Variants in TARS2 observed in about 807,000 individuals in gnomAD.
TARS2 encodes threonine--tRNA ligase, mitochondrial.
Under a neutral mutation model 94.4 loss-of-function variants are expected in TARS2, and 61 were observed. The observed-to-expected ratio is 0.65, with a 90% CI of 0.53 to 0.80. The LOEUF (loss-of-function observed/expected upper bound fraction) is 0.80, where lower values mean the gene tolerates loss of function less well. Ranked by LOEUF, TARS2 falls within the 30% of genes least tolerant of loss-of-function variation. The probability of loss-of-function intolerance (pLI) is 0.00; values close to 1 mark genes in which losing one functional copy is unlikely to be tolerated. For synonymous variants in TARS2, 359 were observed against 353.4 expected, an observed-to-expected ratio of 1.02 and a Z score of -0.18; for missense variants, 704 against 902.5, an observed-to-expected ratio of 0.78 and a Z score of 2.82.
At position 150,497,575 on chromosome 1, in the gene TARS2, C is replaced by T; in HGVS notation, c.1066C>T (p.Leu356=). 6 of 1,614,208 alleles carry T rather than the reference C, an allele frequency of 3.7e-6. No homozygotes were observed. Among genetic ancestry groups the T allele is most frequent in the Non-Finnish European group, 5.1e-6 (6 of 1,180,036 alleles). ...RGFSEVKTPT[L]FSTKLWEQSG... ...TTTCTCCGAGGTGAAAACTCCCACA[C>T]TGTTTTCTACGAAGCTCTGGGAACA... is the stretch of plus-strand genomic sequence containing the variant. The change falls in exon 10 of 18, where the codon CTG becomes TTG. Residue 356 remains leucine (L), a synonymous_variant. Transcript: ENST00000369064.
At chr1:150,501,352 C>A (rs1473513080) in intron 13 of TARS2, among the ~76,000 whole-genome samples, 1 of 113,114 alleles carries the variant, frequency 8.8e-6, no homozygotes, top group Non-Finnish European at 1.7e-5. Context: ...ATGTCTCGCT[C>A]TGCTGCCCAG....
In TARS2 at chr1:150,496,825, T is replaced by A. The variant is rs999879673; in HGVS notation, c.937T>A (p.Phe313Ile). 1.2e-6 allele frequency: 2 copies of A among 1,613,912 alleles called. No homozygotes were observed. The highest frequency in any genetic ancestry group is 2.7e-5 in the African/African-American group (2 of 74,910). The change falls in exon 9 of 18, where the codon TTC becomes ATC. Residue 313 changes from phenylalanine to isoleucine, a missense_variant. Around this residue, in one of 3 missense-constraint regions of TARS2, gnomAD observed 466 missense variants for 609.5 expected, o/e 0.76. Transcript: ENST00000369064. ...RRIGKEQELF[F>I]FHELSPGSCF... ...CTGACCCCAGGAACAGGAGCTCTTC[T>A]TCTTCCATGAACTGAGCCCTGGGAG... is the stretch of plus-strand genomic sequence containing the variant.
chr1:150,487,538 C>G, intron 1 of TARS2, 22 bp downstream of exon 1: 1 of 1,614,174 alleles, frequency 6.2e-7, no homozygotes, highest in Non-Finnish European at 8.5e-7. Context: ...ACCCCCAAAG[C>G]TCCGATCCGC....
Position 150,503,623 on chromosome 1 carries a change from GTGTATATATGTGTGTGTATATA to G in TARS2, c.1618-708_1618-687del, listed in dbSNP as rs1313442078. On this transcript the variant is annotated intron_variant, in intron 13 of 17. Coordinates refer to ENST00000369064, the MANE Select transcript of TARS2 (RefSeq NM_025150.5). ...TGTGTATGTGTGTATATATATGTGT[GTGTATATATGTGTGTGTATATA>G]TGTGTGTATATATGTGTGTATATAT... Among the ~76,000 whole-genome samples the G allele has an allele frequency of 4.9e-5, 6 of 122,864 alleles. 1 individual carries two copies. Among genetic ancestry groups the G allele is most frequent in the Non-Finnish European group, 1.0e-4 (6 of 57,154 alleles). The allele number at this position is 122,864 out of a possible 152,430, so 80.6% of individuals were successfully genotyped here.
In TARS2 at chr1:150,502,854, G is replaced by C. The variant is rs140464510; in HGVS notation, c.1618-1481G>C. ...AGTAAATTAAAATATTAACAGTAATGAAAGTGTGTCTTCTGATTTATTTCA... is the reference window on the plus strand; with the variant it reads ...AGTAAATTAAAATATTAACAGTAATCAAAGTGTGTCTTCTGATTTATTTCA... On this transcript the variant is annotated intron_variant, in intron 13 of 17. Transcript: ENST00000369064. 3.7e-3 allele frequency among the ~76,000 whole-genome samples: 570 copies of C among 152,278 alleles called. 4 individuals are homozygous for C. Among genetic ancestry groups the C allele is most frequent in the African/African-American group, 0.013 (554 of 41,560 alleles).
At chr1:150,506,482 G>GCACA (rs1442330518) in intron 17 of TARS2, among the ~76,000 whole-genome samples, 7 of 29,906 alleles carry the variant, frequency 2.3e-4, no homozygotes, top group African/African-American at 4.6e-4. Context: ...TCAGACACGC[G>GCACA]CGCGCACACA....
intron 17 of TARS2, 69 bp from the exon 18 acceptor site, chr1:150,506,847 G>A: frequency 6.3e-7 from 1 of 1,594,802 alleles, no homozygotes; most frequent in Admixed American, 1.7e-5. Context: ...TCAAGTTTCT[G>A]CAGAGCAAAA....
chr1:150,496,045 A>C (rs1669652892), intron 7 of TARS2, among the ~76,000 whole-genome samples: 1 of 152,204 alleles, frequency 6.6e-6, no homozygotes, highest in Non-Finnish European at 1.5e-5. Flanking sequence ...AGGAGAGAGC[A>C]GGCAGAGGCT....
chr1:150,500,172 G>A (rs1027741959), intron 13 of TARS2, among the ~76,000 whole-genome samples: 2 of 151,442 alleles, frequency 1.3e-5, no homozygotes, highest in African/African-American at 2.4e-5. Context: ...GTGAGACCCT[G>A]TCTCAAAAAA....
chr1:150,495,331 G>GTA (rs1057466038), intron 7 of TARS2, among the ~76,000 whole-genome samples: 15 of 149,982 alleles, frequency 1.0e-4, no homozygotes, highest in South Asian at 4.2e-4. Context: ...GGTGACAGAT[G>GTA]TATATACACA....
Position 150,487,927 on chromosome 1 carries a change from CA to C in TARS2, c.137del (p.Gln46ArgfsTer2). The C allele has an allele frequency of 6.2e-7, 1 of 1,613,910 alleles. No individual in the cohort carries two copies. The highest frequency in any genetic ancestry group is 8.5e-7 in the Non-Finnish European group (1 of 1,180,018). On this transcript the variant is annotated frameshift_variant, in exon 2 of 18. Transcript: ENST00000369064. LOFTEE classifies it high-confidence loss of function. ...LGLFEELWAA[Q>X]VKRLASMAQK... is the part of the protein sequence containing the mutation. ...CCTTTTTGAGGAGCTGTGGGCTGCT[CA>C]GGTAAAGAGATTAGCAAGCATGGCA...
chr1:150,504,524 C>A, intron 14 of TARS2, 89 bp downstream of exon 14: 1 of 1,565,710 alleles, frequency 6.4e-7, no homozygotes, highest in South Asian at 1.1e-5. Context: ...ACCCTCCACA[C>A]CCTCTCCTGC....
At chr1:150,491,094 T>G (rs990782345) in intron 4 of TARS2, among the ~76,000 whole-genome samples, 4 of 152,122 alleles carry the variant, frequency 2.6e-5, no homozygotes, top group African/African-American at 9.7e-5. Flanking sequence ...CAACTTACTT[T>G]GTTACTTGTT....
chr1:150,506,486 G>GCACACACACACACACA lies in TARS2; in HGVS notation c.2009-415_2009-400dup, dbSNP rs10581752. On this transcript the variant is annotated intron_variant, in intron 17 of 17. Transcript: ENST00000369064. ...TAATACCCCCTTCAGACACGCGCGCGCACACACACACACACACACACACAC... is the reference window on the plus strand; with the variant it reads ...TAATACCCCCTTCAGACACGCGCGCGCACACACACACACACACACACACACACACACACACACACAC... Among the ~76,000 whole-genome samples, 290 of 123,782 alleles carry GCACACACACACACACA rather than the reference G, an allele frequency of 2.3e-3. 8 individuals are homozygous for GCACACACACACACACA. The highest frequency in any genetic ancestry group is 7.7e-3 in the African/African-American group (260 of 33,938). 81.2% of individuals were successfully genotyped at this position (123,782 alleles called of 152,430 possible). A position where few individuals can be genotyped will look rare whatever the true frequency, so the allele number is the denominator to read the frequency against.
intron 17 of TARS2, among the ~76,000 whole-genome samples, chr1:150,506,475 GAC>G (rs202002782): frequency 0.026 from 1,910 of 73,260 alleles, 67 homozygotes; most frequent in African/African-American, 0.084. Flanking sequence ...ACCCCCTTCA[GAC>G]ACGCGCGCGC....
In TARS2 at chr1:150,497,647, C is replaced by G; in HGVS notation, c.1138C>G (p.Pro380Ala). 1 of 1,614,100 alleles carries G rather than the reference C, an allele frequency of 6.2e-7. No individual in the cohort carries two copies. Among genetic ancestry groups the G allele is most frequent in the Non-Finnish European group, 8.5e-7 (1 of 1,180,024 alleles). The change falls in exon 10 of 18, where the codon CCC (proline) becomes GCC (alanine). Residue 380 changes from proline to alanine, a missense_variant. By Grantham distance (27) the Pro-to-Ala change is conservative. This residue lies in a region of TARS2 where 466 missense variants were observed against 609.5 expected (regional missense o/e 0.76). Transcript: ENST00000369064. ...HYQEDMFAVQ[P>A]PGSDRPPSSQ... ...TCAGGAAGACATGTTTGCCGTGCAGCCCCCAGGCTCTGACAGGCCTCCCAG... is the reference window on the plus strand; with the variant it reads ...TCAGGAAGACATGTTTGCCGTGCAGGCCCCAGGCTCTGACAGGCCTCCCAG...
intron 14 of TARS2, 46 bp from the exon 15 acceptor site, chr1:150,504,586 G>A (rs368909927): frequency 1.2e-5 from 19 of 1,599,864 alleles, no homozygotes; most frequent in Middle Eastern, 1.7e-4. Flanking sequence ...TACACAATTC[G>A]TGATACTTCC....
At chr1:150,493,084 T>C (rs942107895) in intron 7 of TARS2, among the ~76,000 whole-genome samples, 1 of 151,980 alleles carries the variant, frequency 6.6e-6, no homozygotes, top group Non-Finnish European at 1.5e-5. Context: ...GGTTTCACCA[T>C]GTTGGCCAGG....
Position 150,504,925 on chromosome 1 carries a change from T to C in TARS2, c.1840T>C (p.Phe614Leu), listed in dbSNP as rs200345241. 3.1e-6 allele frequency: 5 copies of C among 1,614,220 alleles called. No homozygotes were observed. In the East Asian group the frequency reaches 1.1e-4, roughly 36 times the overall value. The stretch of plus-strand genomic sequence containing the variant: ...TACCAGGCCACTGTGGCTGTCCCCG[T>C]TCCAGGTGGTGGTCATCCCTGTGGG... ...GGKWPLWLSP[F>L]QVVVIPVGSE... Residue 614 changes from phenylalanine (F) to leucine (L), a missense_variant, in exon 16 of 18, where the codon TTC becomes CTC. Phe to Leu is a conservative substitution (Grantham distance 22, BLOSUM62 0). Transcript: ENST00000369064.
Sources: allele counts gnomAD v4.1 joint callset (sites outside exome capture counted in the v4.1 genomes callset), GRCh38; gene constraint gnomAD v4.1.1; regional missense constraint gnomAD v4.1.1; transcripts MANE v1.5; gene names NCBI Gene and HGNC (gene_info 2026-07-23, HGNC 2026-07-21).